The following LINGO2 variants were observed in gnomAD, a reference collection of about 807,000 sequenced individuals.
LINGO2 encodes the protein leucine rich repeat and Ig domain containing 2.
A neutral mutation model predicts 30.6 loss-of-function variants in LINGO2; 14 were observed. The ratio of observed to expected loss-of-function variants is 0.46; its 90% CI spans 0.30 to 0.72. The LOEUF is 0.72. Among genes scored for constraint, LINGO2 ranks in the 30% least tolerant of loss-of-function variants. LINGO2 has a pLI of 0.07. For missense variants in LINGO2, 729 were observed against 751.7 expected, an observed-to-expected ratio of 0.97 and a Z score of 0.35; for synonymous variants, 317 against 288.5, an observed-to-expected ratio of 1.10 and a Z score of -1.00.
chr9:28,939,906 C>T, the LINGO2 span, among the ~76,000 whole-genome samples: 14 of 152,178 alleles, frequency 9.2e-5, no homozygotes, highest in African/African-American at 3.4e-4. Context: ...TAGAATAAAT[C>T]TTGAGAGAAT....
chr9:28,371,655 T>TCA (rs1438461733), intron 3 of LINGO2, among the ~76,000 whole-genome samples: 15 of 152,202 alleles, frequency 9.9e-5, no homozygotes, highest in Non-Finnish European at 1.9e-4. Flanking sequence ...ACGCTGTACC[T>TCA]TTATCCAAGG....
intron 5 of LINGO2, among the ~76,000 whole-genome samples, chr9:27,980,862 ACT>A (rs1465793361): frequency 1.3e-5 from 2 of 151,668 alleles, no homozygotes; most frequent in South Asian, 4.1e-4. Flanking sequence ...CTTGGTGAGG[ACT>A]CTGTTTATGT....
At chr9:28,309,748 G>C (rs1824534663) in intron 3 of LINGO2, among the ~76,000 whole-genome samples, 1 of 151,408 alleles carries the variant, frequency 6.6e-6, no homozygotes, top group African/African-American at 2.4e-5. Context: ...CAAACCAGGG[G>C]AAAATATATG....
At chr9:28,598,262 G>A (rs1825286446) in intron 1 of LINGO2, among the ~76,000 whole-genome samples, 1 of 151,902 alleles carries the variant, frequency 6.6e-6, no homozygotes, top group African/African-American at 2.4e-5. Flanking sequence ...GCAAGCAAAA[G>A]TTCTTATATA....
At chr9:28,221,819 C>T (rs979565856) in intron 4 of LINGO2, among the ~76,000 whole-genome samples, 10 of 152,134 alleles carry the variant, frequency 6.6e-5, no homozygotes, top group African/African-American at 2.4e-4. Context: ...CCAAGTTATC[C>T]ATGACTTTAA....
chr9:28,185,918 G>A (rs746406182), intron 4 of LINGO2, among the ~76,000 whole-genome samples: 1 of 152,072 alleles, frequency 6.6e-6, no homozygotes, highest in Non-Finnish European at 1.5e-5. Context: ...GGGGATAAAA[G>A]GCTTCTGCTT....
intron 4 of LINGO2, among the ~76,000 whole-genome samples, chr9:28,161,527 A>G (rs1036082948): frequency 3.9e-5 from 6 of 152,204 alleles, no homozygotes; most frequent in African/African-American, 1.4e-4. Flanking sequence ...AGATAGTATT[A>G]GCCTCATTTT....
At chr9:28,238,231 A>G (rs1821651186) in intron 4 of LINGO2, among the ~76,000 whole-genome samples, 1 of 152,102 alleles carries the variant, frequency 6.6e-6, no homozygotes, top group Non-Finnish European at 1.5e-5. Flanking sequence ...AATATTTACC[A>G]GGCAGAAAAT....
At chr9:28,462,273 G>A (rs1057410543) in intron 2 of LINGO2, among the ~76,000 whole-genome samples, 1 of 151,884 alleles carries the variant, frequency 6.6e-6, no homozygotes, top group African/African-American at 2.4e-5. Context: ...AATTATTTCA[G>A]TTTAAATAAT....
the LINGO2 span, among the ~76,000 whole-genome samples, chr9:28,749,935 T>C: frequency 1.3e-5 from 2 of 152,108 alleles, no homozygotes; most frequent in Admixed American, 6.5e-5. Flanking sequence ...CTATAATTAG[T>C]ATTGTACTTA....
intron 4 of LINGO2, among the ~76,000 whole-genome samples, chr9:28,207,408 A>G (rs949068531): frequency 6.6e-6 from 1 of 152,136 alleles, no homozygotes; most frequent in Non-Finnish European, 1.5e-5. Flanking sequence ...AGGATTTTAG[A>G]CAGGCTAATT....
At chr9:28,169,338 AT>A (rs1445046714) in intron 4 of LINGO2, among the ~76,000 whole-genome samples, 1 of 152,178 alleles carries the variant, frequency 6.6e-6, no homozygotes, top group Non-Finnish European at 1.5e-5. Context: ...AGGTAAAAAA[AT>A]TTTTATAGGA....
chr9:28,889,205 C>A, the LINGO2 span, among the ~76,000 whole-genome samples: 1 of 152,120 alleles, frequency 6.6e-6, no homozygotes, highest in Non-Finnish European at 1.5e-5. Context: ...TAAATAATTT[C>A]TTGCCTTTAG....
chr9:28,880,111 T>C, the LINGO2 span, among the ~76,000 whole-genome samples: 1 of 152,154 alleles, frequency 6.6e-6, no homozygotes, highest in Non-Finnish European at 1.5e-5. Flanking sequence ...AAGAATATTC[T>C]TTTTTTCTCT....
the LINGO2 span, among the ~76,000 whole-genome samples, chr9:29,131,990 AG>A: frequency 6.6e-6 from 1 of 151,446 alleles, no homozygotes; most frequent in African/African-American, 2.4e-5. Context: ...GAGACCATCA[AG>A]CTCCAGATGA....
the LINGO2 span, among the ~76,000 whole-genome samples, chr9:28,743,249 T>C: frequency 2.0e-5 from 3 of 152,022 alleles, no homozygotes; most frequent in South Asian, 2.1e-4. Context: ...GTTTGTTACA[T>C]AGGTATACAC....
At chr9:28,058,087 T>C (rs1825016514) in intron 4 of LINGO2, among the ~76,000 whole-genome samples, 1 of 152,132 alleles carries the variant, frequency 6.6e-6, no homozygotes, top group South Asian at 2.1e-4. Flanking sequence ...CAATAAATAG[T>C]TGTGCCAGTT....
intron 3 of LINGO2, among the ~76,000 whole-genome samples, chr9:28,339,333 A>C (rs1046499851): frequency 2.0e-5 from 3 of 152,186 alleles, no homozygotes; most frequent in African/African-American, 7.2e-5. Context: ...TAATTTCCAA[A>C]AAACTATTTA....
the LINGO2 span, chr9:28,888,850 T>G: frequency 3.8e-6 from 2 of 533,076 alleles, no homozygotes; most frequent in South Asian, 2.8e-5. Flanking sequence ...TGTTGTCCAT[T>G]GCAAAGCAGT....
Sources: allele counts gnomAD v4.1 joint callset (sites outside exome capture counted in the v4.1 genomes callset), GRCh38; gene constraint gnomAD v4.1.1; transcripts MANE v1.5; gene names NCBI Gene and HGNC (gene_info 2026-07-23, HGNC 2026-07-21).